SYNPR: variants seen among roughly 807,000 people sequenced by gnomAD.
SYNPR encodes the protein synaptoporin.
Under a neutral mutation model 32.9 loss-of-function variants are expected in SYNPR, and 23 were observed. The observed-to-expected ratio is 0.70, with a 90% CI of 0.50 to 0.99. SYNPR has a LOEUF of 0.99. Ranked by LOEUF, SYNPR falls within the 50% of genes least tolerant of loss-of-function variation. The pLI, the probability that SYNPR is intolerant of heterozygous loss-of-function variation, is 0.00. For synonymous variants in SYNPR, 146 were observed against 135.9 expected (o/e 1.07, Z -0.52); for missense variants, 318 against 349.3 (o/e 0.91, Z 0.71).
At chr3:63,537,931 A>C (rs1048961973) in intron 3 of SYNPR, among the ~76,000 whole-genome samples, 1 of 152,108 alleles carries the variant, frequency 6.6e-6, no homozygotes, top group Non-Finnish European at 1.5e-5. Context: ...TCTTTGGGAC[A>C]TCTACCCCTG....
chr3:63,425,743 A>C (rs1345955240), intron 2 of SYNPR, among the ~76,000 whole-genome samples: 1 of 151,966 alleles, frequency 6.6e-6, no homozygotes, highest in African/African-American at 2.4e-5. Context: ...TTATTCATGG[A>C]ATTATTATAA....
At chr3:63,254,009 CCT>C (rs1480829494) in intron 2 of SYNPR, among the ~76,000 whole-genome samples, 4 of 152,100 alleles carry the variant, frequency 2.6e-5, no homozygotes, top group Non-Finnish European at 5.9e-5. Context: ...GAGTTCCTGT[CCT>C]TTGTAGGGAC....
intron 3 of SYNPR, among the ~76,000 whole-genome samples, chr3:63,492,283 C>T (rs141728501): frequency 6.9e-4 from 105 of 152,216 alleles, no homozygotes; most frequent in African/African-American, 2.3e-3. Context: ...TGATGACTAC[C>T]ACAGAAACCC....
At chr3:63,235,966 T>A (rs988474711) in intron 1 of SYNPR, among the ~76,000 whole-genome samples, 1 of 152,078 alleles carries the variant, frequency 6.6e-6, no homozygotes, top group Non-Finnish European at 1.5e-5. Flanking sequence ...GAAGATTTTC[T>A]TATATTTTTT....
chr3:63,448,623 A>G (rs1700323352), intron 2 of SYNPR, among the ~76,000 whole-genome samples: 1 of 151,792 alleles, frequency 6.6e-6, no homozygotes, highest in African/African-American at 2.4e-5. Context: ...ATTTTTTTTT[A>G]ATTGGGGGAA....
At chr3:63,285,412 T>A (rs1010131943) in intron 2 of SYNPR, among the ~76,000 whole-genome samples, 1 of 152,238 alleles carries the variant, frequency 6.6e-6, no homozygotes, top group Admixed American at 6.5e-5. Flanking sequence ...ACTCATTTTC[T>A]TCCTGTGTAT....
At position 63,595,821 on chromosome 3, in the gene SYNPR, ATATATATATAGT is replaced by A. The variant is rs1192503897; in HGVS notation, c.409-13290_409-13279del. Among the ~76,000 whole-genome samples, 116 of 63,258 alleles carry A rather than the reference ATATATATATAGT, an allele frequency of 1.8e-3. 25 individuals are homozygous for A. Among genetic ancestry groups the A allele is most frequent in the African/African-American group, 7.3e-3 (108 of 14,872 alleles). The allele number at this position is 63,258 out of a possible 152,430, so 41.5% of individuals were successfully genotyped here. A position where few individuals can be genotyped will look rare whatever the true frequency, so the allele number is the denominator to read the frequency against. On this transcript the variant is annotated intron_variant, in intron 4 of 5. Coordinates refer to ENST00000478300, the MANE Select transcript of SYNPR (RefSeq NM_001130003.2). ...TATAGTTATATATATATATAGTTTT[ATATATATATAGT>A]TATATATATAGTTTTATATATATAT...
At chr3:63,592,664 G>A (rs182556800) in intron 4 of SYNPR, among the ~76,000 whole-genome samples, 169 of 152,110 alleles carry the variant, frequency 1.1e-3, no homozygotes, top group African/African-American at 4.0e-3. Context: ...GCTACTTTAT[G>A]TTCTACTGAG....
Position 63,488,007 on chromosome 3 carries a change from G to T in SYNPR, c.209+7051G>T, listed in dbSNP as rs539319520. 3.9e-5 allele frequency among the ~76,000 whole-genome samples: 6 copies of T among 152,236 alleles called. No homozygotes were observed. The South Asian group carries it at 1.0e-3, about 26-fold the overall frequency. On this transcript the variant is annotated intron_variant, in intron 3 of 5. Coordinates refer to ENST00000478300, the MANE Select transcript of SYNPR (RefSeq NM_001130003.2). ...CCCCACCCCTGTTTGGAACACGGGG[G>T]CAGGTGCAAGTAGATGCCAGGAAAG...
At position 63,616,032 on chromosome 3, in the gene SYNPR, C is replaced by A. The variant is rs1047303866; in HGVS notation, c.*551C>A. The A allele has an allele frequency of 6.6e-6, 1 of 152,226 alleles. No individual in the cohort carries two copies. The highest frequency in any genetic ancestry group is 2.4e-5 in the African/African-American group (1 of 41,440). 9.4% of individuals were successfully genotyped at this position (152,226 alleles called of 1,614,324 possible). A position where few individuals can be genotyped will look rare whatever the true frequency, so the allele number is the denominator to read the frequency against. On this transcript the variant is annotated 3_prime_UTR_variant, in exon 6 of 6. Coordinates refer to ENST00000478300, the MANE Select transcript of SYNPR (RefSeq NM_001130003.2). ...GTGCATGAATAAGCATTTTCCCACA[C>A]AATGAACATTTGAACTGTGTTTATG...
chr3:63,240,882 A>C (rs974773959), intron 1 of SYNPR, among the ~76,000 whole-genome samples: 14 of 152,258 alleles, frequency 9.2e-5, no homozygotes, highest in Middle Eastern at 3.4e-3. Context: ...GCCCTGTGGT[A>C]GAATCCCACT....
chr3:63,549,400 C>T (rs543719966), intron 3 of SYNPR, among the ~76,000 whole-genome samples: 6 of 152,272 alleles, frequency 3.9e-5, no homozygotes, highest in Admixed American at 3.9e-4. Context: ...CAGGTATGCG[C>T]AGTACTTGCC....
intron 2 of SYNPR, among the ~76,000 whole-genome samples, chr3:63,294,281 T>C (rs903574461): frequency 6.6e-6 from 1 of 152,168 alleles, no homozygotes; most frequent in Non-Finnish European, 1.5e-5. Context: ...TTTTAAGGTA[T>C]TTAGAAGAAT....
At chr3:63,283,238 G>A (rs191414228) in intron 2 of SYNPR, among the ~76,000 whole-genome samples, 38 of 152,214 alleles carry the variant, frequency 2.5e-4, no homozygotes, top group Middle Eastern at 3.4e-3. Flanking sequence ...ATAGCCTGGG[G>A]AAAAAATCCA....
intron 3 of SYNPR, among the ~76,000 whole-genome samples, chr3:63,522,448 T>A (rs985397236): frequency 1.3e-5 from 2 of 152,234 alleles, no homozygotes; most frequent in African/African-American, 4.8e-5. Flanking sequence ...CAAACTTCCT[T>A]AAGGGGATTA....
In SYNPR at chr3:63,530,255, T is replaced by C. The variant is rs543872374; in HGVS notation, c.210-26288T>C. Among the ~76,000 whole-genome samples, 16 of 152,318 alleles carry C rather than the reference T, an allele frequency of 1.1e-4. No individual in the cohort carries two copies. The South Asian group carries it at 2.9e-3, about 28-fold the overall frequency. ...GCCCAGCAAATTACGCAGCCTATTC[T>C]GCCTTTTTTGTAGGGTGAGGGGGCA... On this transcript the variant is annotated intron_variant, in intron 3 of 5. Transcript: ENST00000478300.
At chr3:63,544,672 T>C (rs1345513406) in intron 3 of SYNPR, among the ~76,000 whole-genome samples, 2 of 152,054 alleles carry the variant, frequency 1.3e-5, no homozygotes, top group Non-Finnish European at 2.9e-5. Flanking sequence ...TGTATAGTAA[T>C]AGAATATGCC....
intron 2 of SYNPR, among the ~76,000 whole-genome samples, chr3:63,315,517 G>A (rs1480168950): frequency 2.0e-5 from 3 of 151,896 alleles, no homozygotes; most frequent in Non-Finnish European, 4.4e-5. Flanking sequence ...AAGGGGTTGA[G>A]TTCTTGATTT....
At chr3:63,432,401 T>C (rs534544796) in intron 2 of SYNPR, among the ~76,000 whole-genome samples, 1 of 152,278 alleles carries the variant, frequency 6.6e-6, no homozygotes, top group South Asian at 2.1e-4. Context: ...TTAGGGATGG[T>C]TTAAGGTAAG....
Sources: allele counts gnomAD v4.1 joint callset (sites outside exome capture counted in the v4.1 genomes callset), GRCh38; gene constraint gnomAD v4.1.1; transcripts MANE v1.5; gene names NCBI Gene and HGNC (gene_info 2026-07-23, HGNC 2026-07-21).